NRXN1: variants seen among roughly 807,000 people sequenced by gnomAD.
NRXN1 encodes neurexin 1, also known as neurexin-1.
In NRXN1, 39 loss-of-function variants were observed where a neutral mutation model predicts 150.9. The observed-to-expected ratio is 0.26, with a 90% CI of 0.20 to 0.34. NRXN1 has a LOEUF of 0.34. Among genes scored for constraint, NRXN1 ranks in the 10% least tolerant of loss-of-function variants. NRXN1 has a pLI of 1.00. For missense variants in NRXN1, 1,815 were observed against 1,949.9 expected (o/e 0.93, Z 1.30); for synonymous variants, 924 against 757.0 (o/e 1.22, Z -3.62).
chr2:50,976,743 G>A (rs562214959), intron 2 of NRXN1, among the ~76,000 whole-genome samples: 17 of 151,608 alleles, frequency 1.1e-4, no homozygotes, highest in East Asian at 1.9e-4. Context: ...AGAAGTACTC[G>A]GGAACTGTAA....
intron 18 of NRXN1, among the ~76,000 whole-genome samples, chr2:50,181,026 G>A (rs1023969566): frequency 1.3e-5 from 2 of 151,912 alleles, no homozygotes; most frequent in Non-Finnish European, 2.9e-5. Flanking sequence ...TCTTTAAGGA[G>A]GATTTAGTAT....
chr2:50,538,427 G>A lies in NRXN1; in HGVS notation c.1969C>T (p.Arg657Trp), dbSNP rs200844126. Residue 657 changes from arginine (R) to tryptophan (W), a missense_variant, in exon 10 of 23, where the codon CGG becomes TGG. By Grantham distance (101) the Arg-to-Trp change is moderately radical. This residue lies in a region of NRXN1 where 638 missense variants were observed against 652.6 expected (regional missense o/e 0.98). Transcript: ENST00000401669. ...GTACTTTGAACTTCAGCCATTTGCC[G>A]GATATCTTTGCTTTGGCCATCGATG... is the stretch of plus-strand genomic sequence containing the variant. ...LFIDGQSKDI[R>W]QMAEVQSTAG... The A allele has an allele frequency of 1.8e-5, 29 of 1,613,792 alleles. No individual in the cohort carries two copies. The highest frequency in any genetic ancestry group is 5.3e-5 in the African/African-American group (4 of 74,892).
At chr2:50,126,535 G>A (rs1315577977) in intron 18 of NRXN1, among the ~76,000 whole-genome samples, 1 of 151,900 alleles carries the variant, frequency 6.6e-6, no homozygotes, top group African/African-American at 2.4e-5. Flanking sequence ...TATAATAGAA[G>A]CAAAAATAGG....
chr2:50,592,109 G>A (rs534643794), intron 8 of NRXN1, among the ~76,000 whole-genome samples: 2 of 152,132 alleles, frequency 1.3e-5, no homozygotes, highest in South Asian at 2.1e-4. Flanking sequence ...CTTTGCATGC[G>A]GCATCTCATT....
chr2:50,438,444 G>A (rs893512967), intron 17 of NRXN1, among the ~76,000 whole-genome samples: 1 of 152,196 alleles, frequency 6.6e-6, no homozygotes, highest in African/African-American at 2.4e-5. Flanking sequence ...GAACTGGGGG[G>A]AGTGGACTTG....
intron 17 of NRXN1, among the ~76,000 whole-genome samples, chr2:50,379,981 A>C (rs2103647430): frequency 6.6e-6 from 1 of 152,288 alleles, no homozygotes; most frequent in African/African-American, 2.4e-5. Flanking sequence ...ATTTATAAAA[A>C]CCTTAAAGAA....
intron 17 of NRXN1, among the ~76,000 whole-genome samples, chr2:50,293,986 T>G (rs928350408): frequency 1.3e-5 from 2 of 152,214 alleles, no homozygotes; most frequent in African/African-American, 4.8e-5. Flanking sequence ...TTCTGTTCAC[T>G]TACTAACTTG....
intron 4 of NRXN1, among the ~76,000 whole-genome samples, chr2:50,922,249 T>C (rs925293818): frequency 1.6e-4 from 25 of 151,988 alleles, no homozygotes; most frequent in Non-Finnish European, 2.9e-4. Context: ...CAAACTGTCA[T>C]GCATGGATGA....
intron 2 of NRXN1, among the ~76,000 whole-genome samples, chr2:51,013,592 A>T (rs146239077): frequency 2.0e-5 from 3 of 152,110 alleles, no homozygotes; most frequent in South Asian, 2.1e-4. Flanking sequence ...TAACTACAGA[A>T]CTGAAAATAT....
intron 17 of NRXN1, among the ~76,000 whole-genome samples, chr2:50,364,652 TC>T: frequency 6.6e-6 from 1 of 152,198 alleles, no homozygotes; most frequent in African/African-American, 2.4e-5. Flanking sequence ...TTAAATTTGC[TC>T]CTTTCAACTA....
chr2:49,930,291 C>A (rs1437892321), intron 22 of NRXN1, among the ~76,000 whole-genome samples: 1 of 151,906 alleles, frequency 6.6e-6, no homozygotes, highest in Non-Finnish European at 1.5e-5. Flanking sequence ...GTGGCAAAAG[C>A]CATAATATCA....
chr2:50,139,440 T>C (rs1706931544), intron 18 of NRXN1, among the ~76,000 whole-genome samples: 1 of 152,160 alleles, frequency 6.6e-6, no homozygotes, highest in Admixed American at 6.5e-5. Flanking sequence ...TATTCACTAG[T>C]TTCTTGCAAG....
chr2:50,651,730 C>T (rs1224291497), intron 5 of NRXN1, among the ~76,000 whole-genome samples: 2 of 151,966 alleles, frequency 1.3e-5, no homozygotes, highest in Non-Finnish European at 2.9e-5. Flanking sequence ...CTCCTTACAC[C>T]ATCCCTTCTT....
chr2:50,010,747 T>C (rs1179206754), intron 21 of NRXN1, among the ~76,000 whole-genome samples: 3 of 152,074 alleles, frequency 2.0e-5, no homozygotes, highest in African/African-American at 7.2e-5. Flanking sequence ...CAAAAGAAAT[T>C]CTCAATAGCA....
rs35377914 is a variant in NRXN1 at position 50,236,577 on chromosome 2, C to CA, written c.3546+211dup. Among the ~76,000 whole-genome samples, 3,366 of 118,868 alleles carry CA rather than the reference C, an allele frequency of 0.028. 122 individuals are homozygous for CA. Among genetic ancestry groups the CA allele is most frequent in the African/African-American group, 0.087 (2,905 of 33,478 alleles). 78.0% of individuals were successfully genotyped at this position (118,868 alleles called of 152,430 possible). A position where few individuals can be genotyped will look rare whatever the true frequency, so the allele number is the denominator to read the frequency against. ...ACAGAATTAAGAGGAATTCACACTC[C>CA]AAAAAAAAAAAAAAAAAGTTTGCAT... is the stretch of plus-strand genomic sequence containing the variant. On this transcript the variant is annotated intron_variant, in intron 18 of 22. Transcript: ENST00000401669.
intron 8 of NRXN1, among the ~76,000 whole-genome samples, chr2:50,592,830 T>G (rs529721121): frequency 1.8e-4 from 27 of 152,318 alleles, no homozygotes; most frequent in Non-Finnish European, 3.4e-4. Context: ...AAAAAAATTT[T>G]GGGAAAACAA....
At chr2:50,593,461 T>C (rs1482309507) in intron 8 of NRXN1, among the ~76,000 whole-genome samples, 1 of 152,226 alleles carries the variant, frequency 6.6e-6, no homozygotes, top group Non-Finnish European at 1.5e-5. Context: ...TATAAAAATA[T>C]GGTAATTCAA....
At chr2:50,809,706 G>C (rs1459766214) in intron 5 of NRXN1, among the ~76,000 whole-genome samples, 5 of 152,058 alleles carry the variant, frequency 3.3e-5, no homozygotes. Flanking sequence ...TCAGAGGAGG[G>C]GATGACAGTT....
chr2:50,089,171 T>A (rs1199806398), intron 19 of NRXN1, among the ~76,000 whole-genome samples: 2 of 152,186 alleles, frequency 1.3e-5, no homozygotes, highest in African/African-American at 4.8e-5. Context: ...AAGATACCAG[T>A]TTGGAAATTG....
Sources: gnomAD v4.1 joint callset for allele counts (sites outside exome capture counted in the v4.1 genomes callset) on GRCh38, gnomAD v4.1.1 for gene constraint, gnomAD v4.1.1 regional missense constraint, MANE v1.5 for transcripts, NCBI Gene and HGNC (gene_info 2026-07-23, HGNC 2026-07-21) for gene names.